The following RAD51B variants were observed in gnomAD, a reference collection of about 807,000 sequenced individuals.
The protein encoded by RAD51B is DNA repair protein RAD51 homolog 2.
Under a neutral mutation model 42.2 loss-of-function variants are expected in RAD51B, and 38 were observed. The observed-to-expected ratio is 0.90, with a 90% confidence interval of 0.70 to 1.18. The LOEUF is 1.18. Ranked by LOEUF, RAD51B falls within the 50% of genes most tolerant of loss-of-function variation. The pLI, the probability that RAD51B is intolerant of heterozygous loss-of-function variation, is 0.00. For missense variants in RAD51B, 373 were observed against 400.7 expected (o/e 0.93, Z 0.59); for synonymous variants, 154 against 145.2 (o/e 1.06, Z -0.43).
chr14:68,631,384 C>T (rs1213906387), intron 10 of RAD51B, among the ~76,000 whole-genome samples: 1 of 152,190 alleles, frequency 6.6e-6, no homozygotes, highest in Non-Finnish European at 1.5e-5. Flanking sequence ...AAGTGTACTG[C>T]TTGCCCCTGG....
At chr14:68,525,801 T>G (rs1280769159) in intron 10 of RAD51B, among the ~76,000 whole-genome samples, 1 of 152,176 alleles carries the variant, frequency 6.6e-6, no homozygotes, top group African/African-American at 2.4e-5. Context: ...ACAACTTCAA[T>G]GAGCTCCGGC....
At chr14:68,364,694 C>G (rs1230686995) in intron 8 of RAD51B, among the ~76,000 whole-genome samples, 1 of 152,194 alleles carries the variant, frequency 6.6e-6, no homozygotes, top group African/African-American at 2.4e-5. Flanking sequence ...TAAGCCCCTT[C>G]AAGGGAGCAG....
chr14:68,611,243 T>C (rs1349925953), exon 11 of RAD51B: 1 of 702,890 alleles, frequency 1.4e-6, no homozygotes, highest in South Asian at 1.5e-5. Context: ...GAGCATCCAG[T>C]GTAACCCAGC....
chr14:68,354,280 G>A (rs1463863526), intron 8 of RAD51B, among the ~76,000 whole-genome samples: 42 of 141,106 alleles, frequency 3.0e-4, no homozygotes, highest in African/African-American at 1.1e-3. Context: ...GCAAGGGCAC[G>A]ATTTCGGCTC....
intron 8 of RAD51B, among the ~76,000 whole-genome samples, chr14:68,295,525 T>C (rs2081597124): frequency 6.6e-6 from 1 of 152,168 alleles, no homozygotes. Flanking sequence ...TTTACAGCCC[T>C]GTGCAGATGA....
downstream of RAD51B, among the ~76,000 whole-genome samples, chr14:68,600,077 G>A (rs146757204): frequency 2.0e-5 from 3 of 152,328 alleles, no homozygotes; most frequent in East Asian, 5.8e-4. Context: ...AGGACTCCCT[G>A]TCCCACGGGA....
intron 7 of RAD51B, among the ~76,000 whole-genome samples, chr14:68,241,150 G>GCTGCTATACGTGGTTGGAAC (rs2141002084): frequency 6.6e-6 from 1 of 152,348 alleles, no homozygotes; most frequent in African/African-American, 2.4e-5. Context: ...CCTATTGGAA[G>GCTGCTATACGTGGTTGGAAC]CTGCTATACG....
chr14:68,655,524 C>A (rs911007316), intron 11 of RAD51B, among the ~76,000 whole-genome samples: 1 of 152,124 alleles, frequency 6.6e-6, no homozygotes, highest in African/African-American at 2.4e-5. Context: ...CTGCTCAGGT[C>A]GGGGGAGAGG....
At chr14:68,328,972 C>T (rs1007533165) in intron 8 of RAD51B, among the ~76,000 whole-genome samples, 2 of 152,142 alleles carry the variant, frequency 1.3e-5, no homozygotes, top group African/African-American at 2.4e-5. Context: ...CCCAGCCCTA[C>T]CAGTTATTTT....
At chr14:68,673,467 A>ATG in intron 11 of RAD51B, among the ~76,000 whole-genome samples, 1 of 152,070 alleles carries the variant, frequency 6.6e-6, no homozygotes, top group Non-Finnish European at 1.5e-5. Flanking sequence ...ATGCACACAT[A>ATG]TATACATGTA....
chr14:68,018,518 A>G (rs2075813805), intron 7 of RAD51B, among the ~76,000 whole-genome samples: 1 of 152,216 alleles, frequency 6.6e-6, no homozygotes, highest in Non-Finnish European at 1.5e-5. Context: ...TTCAACAAGG[A>G]TTAGATTTTT....
intron 10 of RAD51B, among the ~76,000 whole-genome samples, chr14:68,525,532 G>T (rs1266521435): frequency 6.6e-6 from 1 of 152,198 alleles, no homozygotes; most frequent in Non-Finnish European, 1.5e-5. Flanking sequence ...GACCATCTGG[G>T]AATTCTCATG....
chr14:68,246,467 GGAGA>G (rs933886173), intron 7 of RAD51B, among the ~76,000 whole-genome samples: 3 of 152,202 alleles, frequency 2.0e-5, no homozygotes, highest in African/African-American at 7.2e-5. Flanking sequence ...TCAATCTAAA[GGAGA>G]GAGAATCTGG....
rs907256865 is a variant in RAD51B at position 68,256,787 on chromosome 14, C to T, written c.757-35097C>T. Among the ~76,000 whole-genome samples the T allele has an allele frequency of 7.2e-5, 11 of 151,918 alleles. No individual in the cohort carries two copies. The East Asian group carries it at 1.5e-3, about 21-fold the overall frequency. On this transcript the variant is annotated intron_variant, in intron 7 of 10. Transcript: ENST00000471583. ...CCTAACCTTCTACAGTTCTGAAACC[C>T]GATACAAAAAGAAAAACTTTTGGCA...
chr14:68,551,744 T>G (rs1888583879), intron 10 of RAD51B, among the ~76,000 whole-genome samples: 1 of 152,250 alleles, frequency 6.6e-6, no homozygotes, highest in South Asian at 2.1e-4. Context: ...ATAATAGCTC[T>G]GCATTATTAA....
chr14:67,908,108 A>G (rs1003742760), intron 7 of RAD51B, among the ~76,000 whole-genome samples: 3 of 152,224 alleles, frequency 2.0e-5, no homozygotes, highest in South Asian at 2.1e-4. Context: ...ACCAATCATA[A>G]TCCCCAAATG....
At chr14:68,265,010 A>G (rs1170495683) in intron 7 of RAD51B, among the ~76,000 whole-genome samples, 1 of 152,250 alleles carries the variant, frequency 6.6e-6, no homozygotes, top group Non-Finnish European at 1.5e-5. Flanking sequence ...CAAGTGGCTT[A>G]GGTAGAATAC....
At chr14:67,869,068 G>A (rs377736307) in intron 5 of RAD51B, among the ~76,000 whole-genome samples, 6 of 152,076 alleles carry the variant, frequency 3.9e-5, no homozygotes, top group Non-Finnish European at 7.3e-5. Flanking sequence ...CACCAGCAAC[G>A]GAACAAAGCT....
intron 10 of RAD51B, among the ~76,000 whole-genome samples, chr14:68,609,126 G>C (rs552811284): frequency 6.6e-6 from 1 of 152,244 alleles, no homozygotes; most frequent in East Asian, 1.9e-4. Context: ...GCTTCCCTGG[G>C]CTCCCTTGCC....
Sources: allele counts gnomAD v4.1 joint callset (sites outside exome capture counted in the v4.1 genomes callset), GRCh38; gene constraint gnomAD v4.1.1; transcripts MANE v1.5; gene names NCBI Gene and HGNC (gene_info 2026-07-23, HGNC 2026-07-21).